NLGN1: variants seen among roughly 807,000 people sequenced by gnomAD.
The protein encoded by NLGN1 is neuroligin-1.
NLGN1 carries 12 observed loss-of-function variants against 65.5 expected under a neutral mutation model. That is an observed-to-expected ratio of 0.18 (90% CI 0.12 to 0.30). NLGN1 has a LOEUF of 0.30. Ranked by LOEUF, NLGN1 falls within the 10% of genes least tolerant of loss-of-function variation. The pLI is 1.00. For missense variants in NLGN1, 750 were observed against 1,007.1 expected (o/e 0.74, Z 3.46); for synonymous variants, 350 against 359.5 (o/e 0.97, Z 0.30).
intron 4 of NLGN1, among the ~76,000 whole-genome samples, chr3:174,017,892 A>G (rs1726932915): frequency 6.6e-6 from 1 of 152,180 alleles, no homozygotes; most frequent in Non-Finnish European, 1.5e-5. Flanking sequence ...ACATCTTATC[A>G]GGAGACAGGG....
intron 3 of NLGN1, among the ~76,000 whole-genome samples, chr3:173,737,678 T>C (rs1439988604): frequency 6.6e-6 from 1 of 152,132 alleles, no homozygotes; most frequent in Non-Finnish European, 1.5e-5. Flanking sequence ...TTGAGTTTTT[T>C]CTACTTTTTG....
At chr3:173,434,933 T>G (rs1416326256) in intron 1 of NLGN1, 1 of 152,620 alleles carries the variant, frequency 6.6e-6, no homozygotes, top group African/African-American at 2.4e-5. Context: ...ACCCACCATT[T>G]GAAAATACGT....
At chr3:173,411,879 T>C (rs1474851684) in intron 1 of NLGN1, among the ~76,000 whole-genome samples, 1 of 152,072 alleles carries the variant, frequency 6.6e-6, no homozygotes, top group Admixed American at 6.6e-5. Flanking sequence ...ACACTTTTGT[T>C]TCAAGCAGTG....
chr3:173,448,185 A>T (rs1444422877), intron 2 of NLGN1, among the ~76,000 whole-genome samples: 1 of 152,118 alleles, frequency 6.6e-6, no homozygotes, highest in Non-Finnish European at 1.5e-5. Flanking sequence ...TCAGTATGAT[A>T]TTGGCTGTGG....
At chr3:174,072,564 A>G (rs1396725920) in intron 4 of NLGN1, among the ~76,000 whole-genome samples, 1 of 152,140 alleles carries the variant, frequency 6.6e-6, no homozygotes, top group Non-Finnish European at 1.5e-5. Flanking sequence ...GGATTTGGGT[A>G]TAGTAGTGAG....
rs563978273 is a variant in NLGN1 at position 174,056,423 on chromosome 3, A to G, written c.647-218892A>G. Among the ~76,000 whole-genome samples, 15 of 152,112 alleles carry G rather than the reference A, an allele frequency of 9.9e-5. 1 individual carries two copies. In the South Asian group the frequency reaches 2.5e-3, roughly 25 times the overall value. ...TTCTTTTCATTGAATTGTATGTCAT[A>G]TAAAATGATTATTCTCATGTCATTG... On this transcript the variant is annotated intron_variant, in intron 4 of 6. Transcript: ENST00000457714.
rs1026308468 is a variant in NLGN1 at position 173,853,172 on chromosome 3, A to G, written c.646+45340A>G. Among the ~76,000 whole-genome samples the G allele has an allele frequency of 2.0e-5, 3 of 152,182 alleles. No individual in the cohort carries two copies. The East Asian group carries it at 5.8e-4, about 29-fold the overall frequency. On this transcript the variant is annotated intron_variant, in intron 4 of 6. Transcript: ENST00000457714. ...TCTCAGGTTTTAGGTGTATCTTGTCAGCATAGTGGTGCCAGCACAGACAGG... is the reference window on the plus strand; with the variant it reads ...TCTCAGGTTTTAGGTGTATCTTGTCGGCATAGTGGTGCCAGCACAGACAGG...
chr3:173,855,423 T>TA (rs1225461579), intron 4 of NLGN1, among the ~76,000 whole-genome samples: 4 of 152,062 alleles, frequency 2.6e-5, no homozygotes, highest in South Asian at 2.1e-4. Flanking sequence ...AGAAATCAAC[T>TA]AATAACAAAA....
Position 173,690,710 on chromosome 3 carries a change from C to T in NLGN1, c.493+85619C>T, listed in dbSNP as rs78246648. 3.8e-3 allele frequency among the ~76,000 whole-genome samples: 575 copies of T among 152,174 alleles called. 6 individuals are homozygous for T. The highest frequency in any genetic ancestry group is 0.013 in the African/African-American group (537 of 41,532). Reference sequence around the variant, plus strand: ...TAATGAAGAACATAGTTTCTGCTTCCGTTTACAGCAGCACTGACTGCATAT... The same window carrying T: ...TAATGAAGAACATAGTTTCTGCTTCTGTTTACAGCAGCACTGACTGCATAT... On this transcript the variant is annotated intron_variant, in intron 3 of 6. Transcript: ENST00000457714.
At chr3:173,827,409 G>A (rs1278703538) in intron 4 of NLGN1, among the ~76,000 whole-genome samples, 1 of 152,022 alleles carries the variant, frequency 6.6e-6, no homozygotes, top group Non-Finnish European at 1.5e-5. Context: ...TCGGAGAGAG[G>A]ATGCCTGAGC....
intron 3 of NLGN1, among the ~76,000 whole-genome samples, chr3:173,654,937 G>A (rs1272985769): frequency 6.6e-6 from 1 of 152,154 alleles, no homozygotes; most frequent in Non-Finnish European, 1.5e-5. Context: ...AGTGTATACA[G>A]TGTGGTCACA....
At chr3:173,733,662 T>C (rs1773237105) in intron 3 of NLGN1, among the ~76,000 whole-genome samples, 1 of 152,112 alleles carries the variant, frequency 6.6e-6, no homozygotes, top group Admixed American at 6.6e-5. Context: ...ACACCACTTT[T>C]CAAGTTCACT....
At chr3:174,265,557 C>T (rs1450244240) in intron 4 of NLGN1, among the ~76,000 whole-genome samples, 2 of 151,778 alleles carry the variant, frequency 1.3e-5, no homozygotes, top group Non-Finnish European at 2.9e-5. Flanking sequence ...GTGCGCGCAC[C>T]CACTGACCTG....
chr3:173,950,952 C>T (rs554484959), intron 4 of NLGN1, among the ~76,000 whole-genome samples: 4 of 151,752 alleles, frequency 2.6e-5, no homozygotes, highest in Non-Finnish European at 4.4e-5. Context: ...CTACAACCTC[C>T]GTCTCCCGGG....
intron 2 of NLGN1, among the ~76,000 whole-genome samples, chr3:173,463,763 T>C (rs1467581363): frequency 6.6e-6 from 1 of 152,182 alleles, no homozygotes; most frequent in Non-Finnish European, 1.5e-5. Context: ...GGAGCAGATA[T>C]GGCAATCCAG....
chr3:173,597,474 T>C (rs1159745175), intron 2 of NLGN1, among the ~76,000 whole-genome samples: 4 of 152,198 alleles, frequency 2.6e-5, no homozygotes, highest in Non-Finnish European at 4.4e-5. Context: ...TGAATCCAGC[T>C]GATATTTCAA....
chr3:173,539,776 A>G (rs1003884658), intron 2 of NLGN1, among the ~76,000 whole-genome samples: 1 of 122,916 alleles, frequency 8.1e-6, no homozygotes, highest in Non-Finnish European at 1.6e-5. Flanking sequence ...CATATATAAC[A>G]CATATATATG....
At chr3:173,397,576 G>C (rs954446791), upstream of NLGN1, among the ~76,000 whole-genome samples, 1 of 151,512 alleles carries the variant, frequency 6.6e-6, no homozygotes, top group African/African-American at 2.4e-5. Flanking sequence ...TGGCGTCTTC[G>C]GAGCAGATGC....
At chr3:173,895,214 G>A (rs1181023605) in intron 4 of NLGN1, among the ~76,000 whole-genome samples, 2 of 152,088 alleles carry the variant, frequency 1.3e-5, no homozygotes, top group African/African-American at 4.8e-5. Flanking sequence ...TCTGAACACA[G>A]TCCTTTTAAG....
Sources: allele counts gnomAD v4.1 joint callset (sites outside exome capture counted in the v4.1 genomes callset), GRCh38; gene constraint gnomAD v4.1.1; transcripts MANE v1.5; gene names NCBI Gene and HGNC (gene_info 2026-07-23, HGNC 2026-07-21).